OPRD1: variants seen among roughly 807,000 people sequenced by gnomAD.
The protein encoded by OPRD1 is opioid receptor delta 1.
A neutral mutation model predicts 17.5 loss-of-function variants in OPRD1; 19 were observed. The ratio of observed to expected loss-of-function variants is 1.09; its 90% CI spans 0.76 to 1.60. OPRD1 has a LOEUF of 1.60. Ranked by LOEUF, OPRD1 falls within the 40% of genes most tolerant of loss-of-function variation. The pLI is 0.00. For synonymous variants in OPRD1, 256 were observed against 240.9 expected (o/e 1.06, Z -0.58); for missense variants, 483 against 547.2 (o/e 0.88, Z 1.17).
chr1:28,846,177 C>T (rs2088940964), intron 1 of OPRD1, among the ~76,000 whole-genome samples: 1 of 152,206 alleles, frequency 6.6e-6, no homozygotes, highest in African/African-American at 2.4e-5. Flanking sequence ...GGACTTTGTA[C>T]ATGCTGTTCC....
Position 28,812,366 on chromosome 1 carries a change from C to G in OPRD1, c.-18C>G. ...GGGCGCACGGTGGAGAGGGACGCGGCGGAGCCGGCCGGCAGCCATGGAACC... is the reference window on the plus strand; with the variant it reads ...GGGCGCACGGTGGAGAGGGACGCGGGGGAGCCGGCCGGCAGCCATGGAACC... On this transcript the variant is annotated 5_prime_UTR_variant, in exon 1 of 3. Coordinates refer to ENST00000234961, the MANE Select transcript of OPRD1 (RefSeq NM_000911.4). 7.3e-7 allele frequency: 1 copy of G among 1,364,504 alleles called. No homozygotes were observed. Among genetic ancestry groups the G allele is most frequent in the Non-Finnish European group, 9.4e-7 (1 of 1,066,098 alleles). The allele number at this position is 1,364,504 out of a possible 1,614,324, so 84.5% of individuals were successfully genotyped here. A position where few individuals can be genotyped will look rare whatever the true frequency, so the allele number is the denominator to read the frequency against.
chr1:28,823,124 CAGA>C (rs2088729697), intron 1 of OPRD1, among the ~76,000 whole-genome samples: 1 of 150,610 alleles, frequency 6.6e-6, no homozygotes, highest in African/African-American at 2.4e-5. Context: ...AGTGCAGCTG[CAGA>C]AATCAGCAGC....
intron 1 of OPRD1, among the ~76,000 whole-genome samples, chr1:28,813,757 G>C (rs1039800607): frequency 6.6e-6 from 1 of 152,200 alleles, no homozygotes; most frequent in Non-Finnish European, 1.5e-5. Context: ...TCTGGGCTGT[G>C]GGTGCCACCA....
At position 28,869,857 on chromosome 1, in the gene OPRD1, C is replaced by T. The variant is rs1232301075; in HGVS notation, c.*6574C>T. On this transcript the variant is annotated 3_prime_UTR_variant, in exon 3 of 3. Transcript: ENST00000234961. ...CACGTGCCAGCTGCTCAAAAAACTG[C>T]TGTAACCTTGGTAGATCCCTCTCCC... The T allele has an allele frequency of 2.6e-5, 4 of 152,192 alleles. No homozygotes were observed. The highest frequency in any genetic ancestry group is 7.2e-5 in the African/African-American group (3 of 41,436). The allele number at this position is 152,192 out of a possible 1,614,324, so 9.4% of individuals were successfully genotyped here. A position where few individuals can be genotyped will look rare whatever the true frequency, so the allele number is the denominator to read the frequency against.
intron 1 of OPRD1, among the ~76,000 whole-genome samples, chr1:28,823,012 AT>A (rs2124261786): frequency 6.6e-6 from 1 of 152,054 alleles, no homozygotes; most frequent in Admixed American, 6.6e-5. Context: ...TAAATGAACA[AT>A]TTACCATCCT....
At chr1:28,853,872 G>C (rs2089031524) in intron 1 of OPRD1, among the ~76,000 whole-genome samples, 2 of 151,726 alleles carry the variant, frequency 1.3e-5, no homozygotes, top group South Asian at 4.2e-4. Context: ...CTCCTGAGTA[G>C]CTGGGATTAC....
At chr1:28,832,386 G>A (rs1401557011) in intron 1 of OPRD1, among the ~76,000 whole-genome samples, 8 of 152,132 alleles carry the variant, frequency 5.3e-5, no homozygotes, top group African/African-American at 2.4e-5. Context: ...GGGAGGCCGA[G>A]GTGGGAGAAT....
At position 28,812,609 on chromosome 1, in the gene OPRD1, C is replaced by T. The variant is rs780910573; in HGVS notation, c.226C>T (p.Arg76Trp). Residue 76 changes from arginine (R) to tryptophan (W), a missense_variant and splice_region_variant, in exon 1 of 3, where the codon CGG (arginine) becomes TGG (tryptophan). Physicochemically the swap from Arg to Trp is moderately radical, Grantham distance 101 (BLOSUM62 -3). Coordinates refer to ENST00000234961, the MANE Select transcript of OPRD1 (RefSeq NM_000911.4). Reference sequence around the variant, plus strand: ...CGTGCTTGTCATGTTCGGCATCGTCCGGTGAGTCCGCTGCGGGCCGGCGCC... The same window carrying T: ...CGTGCTTGTCATGTTCGGCATCGTCTGGTGAGTCCGCTGCGGGCCGGCGCC... ...GNVLVMFGIV[R>W]YTKMKTATNI... The T allele has an allele frequency of 1.3e-6, 2 of 1,508,292 alleles. No individual in the cohort carries two copies. The highest frequency in any genetic ancestry group is 2.1e-5 in the Admixed American group (1 of 48,646). 93.4% of individuals were successfully genotyped at this position (1,508,292 alleles called of 1,614,324 possible). A position where few individuals can be genotyped will look rare whatever the true frequency, so the allele number is the denominator to read the frequency against.
rs772196485 is a variant in OPRD1, at chr1:28,859,306, G to C, written c.577+3G>C. The C allele has an allele frequency of 6.2e-7, 1 of 1,606,184 alleles. No homozygotes were observed. On this transcript the variant is annotated splice_donor_region_variant and intron_variant, in intron 2 of 2. Coordinates refer to ENST00000234961, the MANE Select transcript of OPRD1 (RefSeq NM_000911.4). Reference sequence around the variant, plus strand: ...CATGGCTGTGACCCGTCCCCGGGGTGAGTGAGTGAGTGCACCATGGCACAG... The same window carrying C: ...CATGGCTGTGACCCGTCCCCGGGGTCAGTGAGTGAGTGCACCATGGCACAG...
At chr1:28,854,242 T>G (rs1381955491) in intron 1 of OPRD1, among the ~76,000 whole-genome samples, 1 of 152,056 alleles carries the variant, frequency 6.6e-6, no homozygotes, top group Non-Finnish European at 1.5e-5. Context: ...CTGTTTGTTT[T>G]TAGACATGGG....
At chr1:28,839,298 C>T (rs985861642) in intron 1 of OPRD1, among the ~76,000 whole-genome samples, 7 of 152,152 alleles carry the variant, frequency 4.6e-5, no homozygotes, top group Non-Finnish European at 7.3e-5. Flanking sequence ...CCTCTTCACA[C>T]GGCCCTCTCC....
intron 1 of OPRD1, among the ~76,000 whole-genome samples, chr1:28,849,015 G>A (rs2088976942): frequency 3.3e-5 from 5 of 152,140 alleles, no homozygotes; most frequent in Admixed American, 3.3e-4. Flanking sequence ...AAGAAGGCAA[G>A]GTTTTTTCTT....
intron 1 of OPRD1, among the ~76,000 whole-genome samples, chr1:28,844,098 T>G (rs1030837207): frequency 6.6e-6 from 1 of 152,150 alleles, no homozygotes; most frequent in Non-Finnish European, 1.5e-5. Context: ...CTGCACCATT[T>G]TACATTTCCA....
At chr1:28,825,586 A>C (rs1481135431) in intron 1 of OPRD1, among the ~76,000 whole-genome samples, 2 of 151,878 alleles carry the variant, frequency 1.3e-5, no homozygotes, top group Non-Finnish European at 2.9e-5. Flanking sequence ...GGGTTTCATC[A>C]TGTTGGTCAG....
intron 1 of OPRD1, among the ~76,000 whole-genome samples, chr1:28,842,975 AAAG>A (rs1360985852): frequency 1.3e-5 from 2 of 151,708 alleles, no homozygotes; most frequent in African/African-American, 4.8e-5. Flanking sequence ...GGGAAAAAAA[AAAG>A]AAGAAGAAAA....
At position 28,824,475 on chromosome 1, in the gene OPRD1, G is replaced by A. The variant is rs532474017; in HGVS notation, c.227+11865G>A. 2.3e-3 allele frequency among the ~76,000 whole-genome samples: 341 copies of A among 151,268 alleles called. 2 individuals carry two copies. The highest frequency in any genetic ancestry group is 7.7e-3 in the African/African-American group (317 of 41,274). The stretch of plus-strand genomic sequence containing the variant: ...ACTACAGGCGCCCGCCACCACACCC[G>A]GCTAATTTTTTTTTTTGTATTTTTA... On this transcript the variant is annotated intron_variant, in intron 1 of 2. Coordinates refer to ENST00000234961, the MANE Select transcript of OPRD1 (RefSeq NM_000911.4).
At chr1:28,818,002 GA>G (rs994755427) in intron 1 of OPRD1, among the ~76,000 whole-genome samples, 4 of 152,140 alleles carry the variant, frequency 2.6e-5, no homozygotes, top group African/African-American at 9.7e-5. Context: ...TTATAGGCGT[GA>G]GCCGCTGCGC....
chr1:28,846,100 C>T (rs2088940060), intron 1 of OPRD1, among the ~76,000 whole-genome samples: 1 of 152,234 alleles, frequency 6.6e-6, no homozygotes, highest in South Asian at 2.1e-4. Flanking sequence ...CTTTCTGGCT[C>T]ACTACACTGT....
intron 1 of OPRD1, among the ~76,000 whole-genome samples, chr1:28,828,728 G>A (rs960508198): frequency 6.9e-6 from 1 of 144,088 alleles, no homozygotes; most frequent in East Asian, 2.1e-4. Context: ...AGTGGTTCAC[G>A]CCTGTAATCC....
Sources: allele counts gnomAD v4.1 joint callset (sites outside exome capture counted in the v4.1 genomes callset), GRCh38; gene constraint gnomAD v4.1.1; transcripts MANE v1.5; gene names NCBI Gene and HGNC (gene_info 2026-07-23, HGNC 2026-07-21).